PPP2R2C: variants seen among roughly 807,000 people sequenced by gnomAD.
PPP2R2C encodes the protein protein phosphatase 2, regulatory subunit B, gamma.
A neutral mutation model predicts 45.3 loss-of-function variants in PPP2R2C; 10 were observed. The ratio of observed to expected loss-of-function variants is 0.22; its 90% confidence interval spans 0.14 to 0.37. The LOEUF is 0.37. PPP2R2C is among the 10% of genes least tolerant of loss of function. The pLI, the probability that PPP2R2C is intolerant of heterozygous loss-of-function variation, is 1.00. For missense variants in PPP2R2C, 308 were observed against 619.7 expected, an observed-to-expected ratio of 0.50 and a Z score of 5.34; for synonymous variants, 257 against 245.4, an observed-to-expected ratio of 1.05 and a Z score of -0.44.
chr4:6,552,502 T>C (rs937753851), intron 1 of PPP2R2C, among the ~76,000 whole-genome samples: 5 of 151,924 alleles, frequency 3.3e-5, no homozygotes, highest in Non-Finnish European at 5.9e-5. Context: ...CCTCTTTCTC[T>C]CCTCTTTCTT....
At chr4:6,418,380 C>G (rs1433189148) in intron 1 of PPP2R2C, among the ~76,000 whole-genome samples, 1 of 152,158 alleles carries the variant, frequency 6.6e-6, no homozygotes, top group Non-Finnish European at 1.5e-5. Flanking sequence ...GGTTAAGACA[C>G]TCATCAAGGG....
At chr4:6,409,875 G>C (rs564410466) in intron 1 of PPP2R2C, among the ~76,000 whole-genome samples, 2 of 152,142 alleles carry the variant, frequency 1.3e-5, no homozygotes, top group Admixed American at 6.5e-5. Flanking sequence ...CCTCTGCCTG[G>C]AACACCCTTC....
intron 1 of PPP2R2C, among the ~76,000 whole-genome samples, chr4:6,431,213 A>G (rs1461115188): frequency 6.6e-6 from 1 of 152,204 alleles, no homozygotes; most frequent in Non-Finnish European, 1.5e-5. Context: ...GGAGGGAGAG[A>G]GGTTCTGGAA....
intron 2 of PPP2R2C, among the ~76,000 whole-genome samples, chr4:6,529,684 G>C (rs1724330734): frequency 6.6e-6 from 1 of 152,230 alleles, no homozygotes; most frequent in African/African-American, 2.4e-5. Flanking sequence ...GCGAGGCTGA[G>C]AGGGCCCACA....
At position 6,540,128 on chromosome 4, in the gene PPP2R2C, G is replaced by A. The variant is rs1724762500; in HGVS notation, c.-58-4751C>T. On this transcript the variant is annotated intron_variant, in intron 1 of 9. Transcript: ENST00000506140. ...TAAAGTGTACAATTCAGTAGTTTTA[G>A]TGTATTCACAGAGCTGTGCAGCCCT... Among the ~76,000 whole-genome samples, 7 of 152,164 alleles carry A rather than the reference G, an allele frequency of 4.6e-5. No homozygotes were observed. The South Asian group carries it at 1.2e-3, about 27-fold the overall frequency.
chr4:6,550,765 C>T (rs1725158151), intron 1 of PPP2R2C, among the ~76,000 whole-genome samples: 1 of 152,228 alleles, frequency 6.6e-6, no homozygotes, highest in Non-Finnish European at 1.5e-5. Flanking sequence ...TCTGCCTTAG[C>T]CTCCTAAGTA....
chr4:6,371,649 G>A (rs980210826), intron 5 of PPP2R2C, among the ~76,000 whole-genome samples: 2 of 152,198 alleles, frequency 1.3e-5, no homozygotes, highest in African/African-American at 4.8e-5. Context: ...GACACTTGCT[G>A]GCTGTGAGCT....
intron 3 of PPP2R2C, among the ~76,000 whole-genome samples, chr4:6,377,483 CCCCG>C (rs1715420108): frequency 6.6e-6 from 1 of 152,004 alleles, no homozygotes; most frequent in Non-Finnish European, 1.5e-5. Flanking sequence ...TGTAGTGAAA[CCCCG>C]TCTCTACTAA....
chr4:6,402,547 T>C (rs999136741), intron 1 of PPP2R2C, among the ~76,000 whole-genome samples: 1 of 152,142 alleles, frequency 6.6e-6, no homozygotes, highest in African/African-American at 2.4e-5. Context: ...ACGCCCTCCA[T>C]TTCCGTAGAC....
intron 6 of PPP2R2C, among the ~76,000 whole-genome samples, chr4:6,336,031 A>T (rs990479267): frequency 2.0e-5 from 3 of 152,114 alleles, no homozygotes; most frequent in Non-Finnish European, 4.4e-5. Context: ...TCCTGAGGGC[A>T]GGTGGTCGCT....
At chr4:6,358,419 G>C (rs1257739007) in intron 5 of PPP2R2C, among the ~76,000 whole-genome samples, 1 of 152,110 alleles carries the variant, frequency 6.6e-6, no homozygotes, top group East Asian at 1.9e-4. Flanking sequence ...TCAGGACATA[G>C]GCATGGGCAA....
chr4:6,512,386 GTGA>G (rs1453981135), intron 2 of PPP2R2C, among the ~76,000 whole-genome samples: 38 of 71,788 alleles, frequency 5.3e-4, no homozygotes, highest in African/African-American at 6.7e-4. Flanking sequence ...GGTGGTGGTG[GTGA>G]TGGTGGTGGT....
At chr4:6,466,140 G>C (rs1721580098) in intron 1 of PPP2R2C, among the ~76,000 whole-genome samples, 1 of 152,216 alleles carries the variant, frequency 6.6e-6, no homozygotes, top group Admixed American at 6.5e-5. Context: ...GCACTGAGAA[G>C]GTGCATGAGC....
chr4:6,358,184 T>C (rs4282261), intron 5 of PPP2R2C, among the ~76,000 whole-genome samples: 140,043 of 151,868 alleles, frequency 0.92, 65,181 homozygotes, highest in East Asian at 1. Context: ...TAACACCACA[T>C]ATCTACAACC....
intron 1 of PPP2R2C, among the ~76,000 whole-genome samples, chr4:6,545,020 C>T (rs530526740): frequency 1.4e-4 from 22 of 152,276 alleles, no homozygotes; most frequent in Non-Finnish European, 2.6e-4. Context: ...GGAAGGATGA[C>T]GACTTTTTCC....
intron 1 of PPP2R2C, among the ~76,000 whole-genome samples, chr4:6,419,950 A>G (rs1718853350): frequency 6.6e-6 from 1 of 152,176 alleles, no homozygotes; most frequent in Non-Finnish European, 1.5e-5. Flanking sequence ...CATCTTAACT[A>G]GTGACATACA....
intron 5 of PPP2R2C, among the ~76,000 whole-genome samples, chr4:6,359,465 G>A (rs1713534197): frequency 6.6e-6 from 1 of 152,142 alleles, no homozygotes; most frequent in African/African-American, 2.4e-5. Flanking sequence ...TGCACATTGT[G>A]CACATGTACC....
intron 1 of PPP2R2C, among the ~76,000 whole-genome samples, chr4:6,444,498 C>T (rs1021012962): frequency 6.6e-6 from 1 of 152,220 alleles, no homozygotes; most frequent in African/African-American, 2.4e-5. Flanking sequence ...TCCAAATACA[C>T]TCTGCCACTC....
rs955580470 is a variant in PPP2R2C at position 6,329,177 on chromosome 4, G to C, written c.1052+85C>G. 2 of 1,315,958 alleles carry C rather than the reference G, an allele frequency of 1.5e-6. No individual in the cohort carries two copies. The highest frequency in any genetic ancestry group is 2.2e-6 in the Non-Finnish European group (2 of 926,756). The allele number at this position is 1,315,958 out of a possible 1,614,324, so 81.5% of individuals were successfully genotyped here. A position where few individuals can be genotyped will look rare whatever the true frequency, so the allele number is the denominator to read the frequency against. The stretch of plus-strand genomic sequence containing the variant: ...TGAGGCTGAGTAGCCCCATGCTGCG[G>C]GTCACCGGAATCCCAGCCCAGACCC... On this transcript the variant is annotated intron_variant, in intron 8 of 8. Coordinates refer to ENST00000382599, the MANE Select transcript of PPP2R2C (RefSeq NM_020416.4). This position sits in a 1 kb window ranked among gnomAD's most constrained non-coding sequence, Gnocchi z 5.8.
Sources: allele counts gnomAD v4.1 joint callset (sites outside exome capture counted in the v4.1 genomes callset), GRCh38; gene constraint gnomAD v4.1.1; non-coding constraint Gnocchi (gnomAD v3.1); transcripts MANE v1.5; gene names NCBI Gene and HGNC (gene_info 2026-07-23, HGNC 2026-07-21).